GALM: variants seen among roughly 807,000 people sequenced by gnomAD.
The protein encoded by GALM is galactose mutarotase.
In GALM, 43 loss-of-function variants were observed where a neutral mutation model predicts 37.4. That is an observed-to-expected ratio of 1.15 (90% CI 0.90 to 1.48). GALM has a LOEUF of 1.48. Among genes scored for constraint, GALM ranks in the 40% most tolerant of loss-of-function variants. The pLI is 0.00. For synonymous variants in GALM, 199 were observed against 170.6 expected (o/e 1.17, Z -1.30); for missense variants, 456 against 419.1 (o/e 1.09, Z -0.77).
chr2:38,722,941 C>A (rs1666413935), intron 4 of GALM, among the ~76,000 whole-genome samples: 1 of 152,136 alleles, frequency 6.6e-6, no homozygotes, highest in Non-Finnish European at 1.5e-5. Flanking sequence ...TCAAACTCAC[C>A]ATCTGCAAAG....
intron 4 of GALM, among the ~76,000 whole-genome samples, chr2:38,727,112 A>C (rs1666502008): frequency 6.6e-6 from 1 of 150,758 alleles, no homozygotes; most frequent in South Asian, 2.1e-4. Flanking sequence ...TCTGTTTGGG[A>C]GGCTGAGGCG....
At chr2:38,724,563 A>G (rs1666447929) in intron 4 of GALM, among the ~76,000 whole-genome samples, 1 of 152,208 alleles carries the variant, frequency 6.6e-6, no homozygotes, top group South Asian at 2.1e-4. Flanking sequence ...CTTGATCATT[A>G]AGCACATGAC....
chr2:38,687,504 G>T (rs1410622659), intron 3 of GALM, among the ~76,000 whole-genome samples: 2 of 152,134 alleles, frequency 1.3e-5, no homozygotes, highest in Admixed American at 6.5e-5. Flanking sequence ...GAGGTCTGGA[G>T]TTCGAGACCA....
chr2:38,708,593 T>C (rs1350429367), intron 4 of GALM, among the ~76,000 whole-genome samples: 11 of 151,940 alleles, frequency 7.2e-5, no homozygotes, highest in Admixed American at 7.2e-4. Context: ...TATGAAAAAT[T>C]AGCCAGGTAT....
chr2:38,672,219 G>C (rs1665124417), intron 1 of GALM, among the ~76,000 whole-genome samples: 2 of 152,240 alleles, frequency 1.3e-5, no homozygotes, highest in South Asian at 4.1e-4. Flanking sequence ...GCCTCTGGCA[G>C]AGAGCGGGAG....
chr2:38,722,067 C>T lies in GALM; in HGVS notation c.635-7489C>T, dbSNP rs1001380806. Among the ~76,000 whole-genome samples the T allele has an allele frequency of 3.5e-5, 4 of 114,958 alleles. No homozygotes were observed. The Admixed American group carries it at 3.6e-4, about 10-fold the overall frequency. The allele number at this position is 114,958 out of a possible 152,430, so 75.4% of individuals were successfully genotyped here. A position where few individuals can be genotyped will look rare whatever the true frequency, so the allele number is the denominator to read the frequency against. Reference sequence around the variant, plus strand: ...CCCCCCCCCCCACCTAGAACAGAAGCGCATCATGCGGGCCGGGTGAGGCGG... The same window carrying T: ...CCCCCCCCCCCACCTAGAACAGAAGTGCATCATGCGGGCCGGGTGAGGCGG... On this transcript the variant is annotated intron_variant, in intron 4 of 6. Transcript: ENST00000272252.
intron 4 of GALM, among the ~76,000 whole-genome samples, chr2:38,715,890 G>A (rs1208692230): frequency 1.3e-5 from 2 of 152,192 alleles, no homozygotes; most frequent in African/African-American, 4.8e-5. Context: ...ATGCTATGAG[G>A]TAGAGTCTCG....
intron 4 of GALM, among the ~76,000 whole-genome samples, chr2:38,701,442 A>ACTTTCAAAGG (rs1438881795): frequency 1.3e-5 from 2 of 152,216 alleles, no homozygotes; most frequent in African/African-American, 4.8e-5. Flanking sequence ...CTTTGAAAGT[A>ACTTTCAAAGG]GCATTAGTAA....
chr2:38,727,590 G>T (rs1029809376), intron 4 of GALM, among the ~76,000 whole-genome samples: 2 of 152,008 alleles, frequency 1.3e-5, no homozygotes, highest in Admixed American at 6.6e-5. Context: ...AGCTGGGCAT[G>T]ATGGTGCGTG....
chr2:38,694,209 G>A (rs1380271029), intron 4 of GALM, among the ~76,000 whole-genome samples: 1 of 152,104 alleles, frequency 6.6e-6, no homozygotes, highest in African/African-American at 2.4e-5. Flanking sequence ...TTGGGAGGTA[G>A]GGGAGAGGCA....
intron 3 of GALM, among the ~76,000 whole-genome samples, chr2:38,685,007 C>T (rs1665487811): frequency 6.6e-6 from 1 of 152,190 alleles, no homozygotes; most frequent in African/African-American, 2.4e-5. Context: ...CTTGTCCCCT[C>T]ATGGCCACAG....
At chr2:38,701,126 C>T (rs1242910964) in intron 4 of GALM, among the ~76,000 whole-genome samples, 1 of 152,220 alleles carries the variant, frequency 6.6e-6, no homozygotes, top group Non-Finnish European at 1.5e-5. Flanking sequence ...AGTATTACAC[C>T]AGCTAGATGT....
chr2:38,699,086 G>C (rs1665866365), intron 4 of GALM, among the ~76,000 whole-genome samples: 1 of 151,836 alleles, frequency 6.6e-6, no homozygotes, highest in South Asian at 2.1e-4. Context: ...GCTAATTTTT[G>C]TATTTTTAGT....
In GALM at chr2:38,717,786, A is replaced by T. The variant is rs528708865; in HGVS notation, c.635-11770A>T. On this transcript the variant is annotated intron_variant, in intron 4 of 6. Transcript: ENST00000272252. ...CAGTGAGTAAGTCCATGTGAGCCCT[A>T]AGACAGCTTGCATAGATTTGTAAAG... Among the ~76,000 whole-genome samples, 12 of 150,160 alleles carry T rather than the reference A, an allele frequency of 8.0e-5. 1 individual carries two copies. The highest frequency in any genetic ancestry group is 2.9e-4 in the African/African-American group (12 of 40,792).
At chr2:38,674,316 A>G in intron 1 of GALM, among the ~76,000 whole-genome samples, 1 of 151,788 alleles carries the variant, frequency 6.6e-6, no homozygotes, top group Non-Finnish European at 1.5e-5. Context: ...CAGCCTCCCA[A>G]GTAGCTGGGA....
At chr2:38,695,902 T>A (rs1193510764) in intron 4 of GALM, among the ~76,000 whole-genome samples, 1 of 152,124 alleles carries the variant, frequency 6.6e-6, no homozygotes, top group Admixed American at 6.6e-5. Flanking sequence ...TTTCACCATG[T>A]TGACCAGGCT....
intron 4 of GALM, among the ~76,000 whole-genome samples, chr2:38,696,841 G>A (rs1385748034): frequency 7.2e-6 from 1 of 138,808 alleles, no homozygotes; most frequent in Non-Finnish European, 1.5e-5. Context: ...CCAGGCTGGA[G>A]TGCAGTGGCG....
chr2:38,675,880 T>A lies in GALM; in HGVS notation c.191-32T>A, dbSNP rs17576472. 0.087 allele frequency: 140,379 copies of A among 1,611,636 alleles called. 7,731 individuals carry two copies. Among genetic ancestry groups the A allele is most frequent in the East Asian group, 0.22 (9,747 of 44,792 alleles). On this transcript the variant is annotated intron_variant, in intron 1 of 6. Coordinates refer to ENST00000272252, the MANE Select transcript of GALM (RefSeq NM_138801.3). ...CACCGTGCCCAGCCTGAATTGAAGT[T>A]TTAAAAGTGCTGTCATCCCTTGTCC...
chr2:38,730,560 C>T (rs541232066), intron 5 of GALM, among the ~76,000 whole-genome samples: 1 of 152,074 alleles, frequency 6.6e-6, no homozygotes, highest in Non-Finnish European at 1.5e-5. Flanking sequence ...CCACTGCACC[C>T]GGTCAACAGT....
Sources: gnomAD v4.1 joint callset for allele counts (sites outside exome capture counted in the v4.1 genomes callset) on GRCh38, gnomAD v4.1.1 for gene constraint, MANE v1.5 for transcripts, NCBI Gene and HGNC (gene_info 2026-07-23, HGNC 2026-07-21) for gene names.